LTBP1: variants seen among roughly 807,000 people sequenced by gnomAD.
The protein encoded by LTBP1 is latent-transforming growth factor beta-binding protein 1.
In LTBP1, 129 loss-of-function variants were observed where a neutral mutation model predicts 207.6. The observed-to-expected ratio is 0.62, with a 90% CI of 0.54 to 0.72. The LOEUF is 0.72. LTBP1 is among the 30% of genes least tolerant of loss of function. LTBP1 has a pLI of 0.00. For synonymous variants in LTBP1, 963 were observed against 833.7 expected (o/e 1.16, Z -2.67); for missense variants, 2,281 against 2,217.2 (o/e 1.03, Z -0.58).
At chr2:32,969,376 T>C (rs1408457215) in intron 2 of LTBP1, among the ~76,000 whole-genome samples, 4 of 152,050 alleles carry the variant, frequency 2.6e-5, no homozygotes, top group African/African-American at 7.2e-5. Context: ...TTTCATCACC[T>C]GAGGAATAAG....
intron 5 of LTBP1, among the ~76,000 whole-genome samples, chr2:33,138,885 G>T (rs1187869222): frequency 1.8e-5 from 2 of 110,680 alleles, no homozygotes; most frequent in Non-Finnish European, 3.4e-5. Flanking sequence ...TTGAGACGGA[G>T]TCTCGCTCTG....
intron 5 of LTBP1, among the ~76,000 whole-genome samples, chr2:33,144,218 A>G (rs1158846413): frequency 6.6e-6 from 1 of 152,146 alleles, no homozygotes; most frequent in Non-Finnish European, 1.5e-5. Context: ...AGCATCAAGA[A>G]GGATATAGAA....
chr2:33,257,173 T>G (rs1252586792), intron 11 of LTBP1, 111 bp from the exon 12 acceptor site: 1 of 738,582 alleles, frequency 1.4e-6, no homozygotes, highest in Admixed American at 3.0e-5. Context: ...AGTTTTAAAA[T>G]GTAACTACAT....
At chr2:33,117,667 G>A (rs1174283169) in intron 4 of LTBP1, among the ~76,000 whole-genome samples, 1 of 152,204 alleles carries the variant, frequency 6.6e-6, no homozygotes, top group African/African-American at 2.4e-5. Flanking sequence ...AAAGGCTCTG[G>A]ATGCCTAGTG....
intron 32 of LTBP1, among the ~76,000 whole-genome samples, chr2:33,390,391 G>C (rs2095305098): frequency 6.6e-6 from 1 of 152,146 alleles, no homozygotes; most frequent in Non-Finnish European, 1.5e-5. Flanking sequence ...TTAGTAGATA[G>C]TAGATAGTCT....
At chr2:33,215,713 TTTGTTTTTTG>T (rs1305096241) in intron 7 of LTBP1, among the ~76,000 whole-genome samples, 2 of 135,926 alleles carry the variant, frequency 1.5e-5, no homozygotes, top group African/African-American at 3.0e-5. Context: ...TTGGTTTTCT[TTTGTTTTTTG>T]TTTTTTTTTT....
chr2:33,231,259 G>A (rs538556741), intron 9 of LTBP1, among the ~76,000 whole-genome samples: 6 of 152,268 alleles, frequency 3.9e-5, no homozygotes, highest in East Asian at 1.9e-4. Flanking sequence ...TTTCAGCATC[G>A]TTTTATTATA....
At chr2:33,348,845 G>A (rs374513022) in intron 26 of LTBP1, among the ~76,000 whole-genome samples, 1 of 152,290 alleles carries the variant, frequency 6.6e-6, no homozygotes, top group East Asian at 1.9e-4. Context: ...TTGTTGGACC[G>A]AACCAATAAC....
In LTBP1 at chr2:33,365,432, A is replaced by T; in HGVS notation, c.4640A>T (p.Tyr1547Phe). ...CCTCTTGTGGGCAAGCAGACAACGTACACTGAGTGCTGCTGTCTGTATGGA... is the reference window on the plus strand; with the variant it reads ...CCTCTTGTGGGCAAGCAGACAACGTTCACTGAGTGCTGCTGTCTGTATGGA... ...SRPLVGKQTT[Y>F]TECCCLYGEA... is the part of the protein sequence containing the mutation. The change falls in exon 31 of 34, where the codon TAC becomes TTC. Residue 1547 changes from tyrosine to phenylalanine, a missense_variant. Tyr to Phe is a conservative substitution (Grantham distance 22). This residue lies in a region of LTBP1 where 1,671 missense variants were observed against 1,634.8 expected (regional missense o/e 1.02). Coordinates refer to ENST00000404816, the MANE Select transcript of LTBP1 (RefSeq NM_206943.4). The T allele has an allele frequency of 1.2e-6, 2 of 1,614,214 alleles. No homozygotes were observed. Among genetic ancestry groups the T allele is most frequent in the Non-Finnish European group, 1.7e-6 (2 of 1,180,046 alleles).
At chr2:33,189,683 C>A (rs2087619693) in intron 7 of LTBP1, among the ~76,000 whole-genome samples, 2 of 152,280 alleles carry the variant, frequency 1.3e-5, no homozygotes, top group Non-Finnish European at 2.9e-5. Flanking sequence ...AATAATAATT[C>A]ATGTCATCTT....
chr2:33,119,166 A>ATTTTT (rs34112067), intron 4 of LTBP1, among the ~76,000 whole-genome samples: 13 of 150,034 alleles, frequency 8.7e-5, no homozygotes, highest in Admixed American at 1.3e-4. Context: ...AGTCAGACTG[A>ATTTTT]TTTTTTTTTT....
At chr2:33,175,045 A>G (rs550568926) in intron 5 of LTBP1, among the ~76,000 whole-genome samples, 267 of 152,348 alleles carry the variant, frequency 1.8e-3, no homozygotes, top group African/African-American at 5.8e-3. Context: ...ACCTAAAACC[A>G]TAGAAACCCT....
intron 3 of LTBP1, chr2:33,056,407 C>G: frequency 8.7e-7 from 1 of 1,150,754 alleles, no homozygotes; most frequent in Non-Finnish European, 1.2e-6. Flanking sequence ...AAAATGCCGC[C>G]CTGGGCGATG....
At chr2:33,170,027 A>C (rs2085273906) in intron 5 of LTBP1, among the ~76,000 whole-genome samples, 1 of 152,252 alleles carries the variant, frequency 6.6e-6, no homozygotes, top group Non-Finnish European at 1.5e-5. Flanking sequence ...GAAGCAGCCA[A>C]GATGGCCGAA....
At chr2:33,045,139 T>G (rs545793745) in intron 3 of LTBP1, among the ~76,000 whole-genome samples, 1 of 152,246 alleles carries the variant, frequency 6.6e-6, no homozygotes, top group Non-Finnish European at 1.5e-5. Context: ...TTGTCAATTT[T>G]GGCTTCTGTT....
rs116203847 is a variant in LTBP1, at chr2:33,177,183, A to G, written c.1202-9673A>G. Reference sequence around the variant, plus strand: ...ATTCTCCCCATGGTGAGACAGTTACATTAGTGTAATCGACTCATGTTATAT... The same window carrying G: ...ATTCTCCCCATGGTGAGACAGTTACGTTAGTGTAATCGACTCATGTTATAT... On this transcript the variant is annotated intron_variant, in intron 5 of 33. Coordinates refer to ENST00000404816, the MANE Select transcript of LTBP1 (RefSeq NM_206943.4). Among the ~76,000 whole-genome samples the G allele has an allele frequency of 3.8e-3, 576 of 152,290 alleles. 3 individuals are homozygous for G. Among genetic ancestry groups the G allele is most frequent in the African/African-American group, 0.013 (542 of 41,550 alleles).
intron 3 of LTBP1, among the ~76,000 whole-genome samples, chr2:33,078,474 C>G (rs1005244481): frequency 6.6e-6 from 1 of 152,078 alleles, no homozygotes; most frequent in Non-Finnish European, 1.5e-5. Context: ...GATATTAAAG[C>G]CAAGCTTATC....
intron 2 of LTBP1, among the ~76,000 whole-genome samples, chr2:33,016,481 G>T (rs1688393110): frequency 1.3e-5 from 2 of 152,130 alleles, no homozygotes; most frequent in African/African-American, 4.8e-5. Context: ...AAGTACTGAA[G>T]CCTGGAGCCC....
At chr2:33,388,428 C>T (rs544438585) in intron 31 of LTBP1, among the ~76,000 whole-genome samples, 1 of 152,328 alleles carries the variant, frequency 6.6e-6, no homozygotes, top group East Asian at 1.9e-4. Flanking sequence ...TCAGGTTCTG[C>T]CACATGGCAG....
Sources: allele counts gnomAD v4.1 joint callset (sites outside exome capture counted in the v4.1 genomes callset), GRCh38; gene constraint gnomAD v4.1.1; regional missense constraint gnomAD v4.1.1; transcripts MANE v1.5; gene names NCBI Gene and HGNC (gene_info 2026-07-23, HGNC 2026-07-21).